B3GALT1: variants seen among roughly 807,000 people sequenced by gnomAD.
B3GALT1 encodes the protein beta-1,3-galactosyltransferase 1.
In B3GALT1, 10 loss-of-function variants were observed where a neutral mutation model predicts 23.2. The ratio of observed to expected loss-of-function variants is 0.43; its 90% CI spans 0.27 to 0.73. B3GALT1 has a LOEUF of 0.73. B3GALT1 is among the 30% of genes least tolerant of loss of function. The probability of loss-of-function intolerance (pLI) is 0.21; values close to 1 mark genes in which losing one functional copy is unlikely to be tolerated. For synonymous variants in B3GALT1, 156 were observed against 141.5 expected (o/e 1.10, Z -0.73); for missense variants, 299 against 405.4 (o/e 0.74, Z 2.25).
At chr2:167,437,436 C>A (rs563188267) in intron 1 of B3GALT1, among the ~76,000 whole-genome samples, 1 of 152,304 alleles carries the variant, frequency 6.6e-6, no homozygotes, top group Admixed American at 6.5e-5. Context: ...CCATTTGGAT[C>A]TGATAACTTC....
intron 2 of B3GALT1, among the ~76,000 whole-genome samples, chr2:167,502,694 C>A (rs1559115609): frequency 6.6e-6 from 1 of 152,116 alleles, no homozygotes; most frequent in Non-Finnish European, 1.5e-5. Flanking sequence ...GGGATCCACC[C>A]CCATGATCCA....
At chr2:167,588,534 C>G (rs1684617544) in intron 2 of B3GALT1, among the ~76,000 whole-genome samples, 4 of 152,090 alleles carry the variant, frequency 2.6e-5, no homozygotes, top group Admixed American at 2.6e-4. Context: ...TTTCCACACT[C>G]ATACGAACAA....
chr2:167,713,930 G>T lies in B3GALT1; in HGVS notation c.-352+66964G>T, dbSNP rs62194985. 12 of 1,572,216 alleles carry T rather than the reference G, an allele frequency of 7.6e-6. No individual in the cohort carries two copies. In the South Asian group the frequency reaches 1.1e-4, roughly 15 times the overall value. The stretch of plus-strand genomic sequence containing the variant: ...TTGGGGGAAAGGAGGTCCTCTTCTC[G>T]TGAACAGGCCCCTTGTATCCACTGG... On this transcript the variant is annotated intron_variant, in intron 3 of 4. Transcript: ENST00000392690.
intron 1 of B3GALT1, among the ~76,000 whole-genome samples, chr2:167,294,221 G>T (rs1696310650): frequency 6.6e-6 from 1 of 152,162 alleles, no homozygotes. Flanking sequence ...GTTGAGACCC[G>T]GCCTGGTGCG....
intron 2 of B3GALT1, among the ~76,000 whole-genome samples, chr2:167,573,087 A>C (rs901405599): frequency 6.6e-6 from 1 of 151,730 alleles, no homozygotes; most frequent in Non-Finnish European, 1.5e-5. Flanking sequence ...TGCTGTGTGC[A>C]AAGGTGATCT....
intron 4 of B3GALT1, among the ~76,000 whole-genome samples, chr2:167,835,747 C>A (rs1689451139): frequency 6.6e-6 from 1 of 151,670 alleles, no homozygotes; most frequent in East Asian, 1.9e-4. Flanking sequence ...GGGTCCCTGA[C>A]CCCTGAGCAG....
At chr2:167,414,701 T>C (rs1346745011) in intron 1 of B3GALT1, among the ~76,000 whole-genome samples, 1 of 152,206 alleles carries the variant, frequency 6.6e-6, no homozygotes, top group Non-Finnish European at 1.5e-5. Context: ...CCTAGGGTAA[T>C]GCCCACTGTA....
chr2:167,759,834 C>A (rs2105296697), intron 3 of B3GALT1, among the ~76,000 whole-genome samples: 1 of 152,174 alleles, frequency 6.6e-6, no homozygotes, highest in African/African-American at 2.4e-5. Flanking sequence ...AAGTGTGTAT[C>A]TTGTTATAAT....
At chr2:167,693,588 A>G (rs1686747909) in intron 3 of B3GALT1, among the ~76,000 whole-genome samples, 1 of 152,112 alleles carries the variant, frequency 6.6e-6, no homozygotes, top group Admixed American at 6.6e-5. Flanking sequence ...ATAAATAGGA[A>G]AAAAGAAAGA....
intron 3 of B3GALT1, among the ~76,000 whole-genome samples, chr2:167,672,456 C>T (rs1686348834): frequency 6.6e-6 from 1 of 152,140 alleles, no homozygotes; most frequent in African/African-American, 2.4e-5. Context: ...CATCTTCATT[C>T]CTTCTTCTAC....
chr2:167,678,677 C>T (rs1195403442), intron 3 of B3GALT1, among the ~76,000 whole-genome samples: 1 of 152,176 alleles, frequency 6.6e-6, no homozygotes, highest in Admixed American at 6.5e-5. Flanking sequence ...TTTCCATTTT[C>T]CAGTTTTCCT....
intron 2 of B3GALT1, among the ~76,000 whole-genome samples, chr2:167,521,298 T>C (rs1700184010): frequency 6.6e-6 from 1 of 152,136 alleles, no homozygotes; most frequent in Non-Finnish European, 1.5e-5. Context: ...AACAAGTGAG[T>C]GAAAGTTTTT....
intron 3 of B3GALT1, among the ~76,000 whole-genome samples, chr2:167,801,161 G>A (rs1222061439): frequency 2.0e-5 from 3 of 152,176 alleles, no homozygotes; most frequent in Non-Finnish European, 4.4e-5. Flanking sequence ...GCAAACATCC[G>A]GGCCTGAGGC....
At chr2:167,802,332 TGA>T (rs1558983732) in intron 3 of B3GALT1, among the ~76,000 whole-genome samples, 2 of 152,198 alleles carry the variant, frequency 1.3e-5, no homozygotes, top group Non-Finnish European at 2.9e-5. Flanking sequence ...GAAAACAGAC[TGA>T]GAGAGGGGCC....
At chr2:167,562,998 G>T (rs893136795) in intron 2 of B3GALT1, among the ~76,000 whole-genome samples, 1 of 152,148 alleles carries the variant, frequency 6.6e-6, no homozygotes, top group Non-Finnish European at 1.5e-5. Context: ...TCCCAAGGCA[G>T]AAGAACCTCT....
intron 1 of B3GALT1, among the ~76,000 whole-genome samples, chr2:167,304,056 A>G (rs1574024970): frequency 6.6e-6 from 1 of 152,104 alleles, no homozygotes; most frequent in Non-Finnish European, 1.5e-5. Context: ...ACAGTATTCC[A>G]TTCTTCCCCA....
chr2:167,330,111 T>TTTTTTTTTTTTTTTTTTTTTTG, intron 1 of B3GALT1, among the ~76,000 whole-genome samples: 1 of 151,748 alleles, frequency 6.6e-6, no homozygotes, highest in African/African-American at 2.4e-5. Flanking sequence ...ATAGGTTTTC[T>TTTTTTTTTTTTTTTTTTTTTTG]AACCCTTTCA....
intron 1 of B3GALT1, among the ~76,000 whole-genome samples, chr2:167,449,479 T>G (rs1699054335): frequency 6.6e-6 from 1 of 152,250 alleles, no homozygotes. Flanking sequence ...ATTTACCAGT[T>G]CTAGGAACTT....
chr2:167,599,254 A>G (rs1210892554), intron 2 of B3GALT1, among the ~76,000 whole-genome samples: 3 of 152,214 alleles, frequency 2.0e-5, no homozygotes, highest in Non-Finnish European at 2.9e-5. Context: ...GATGAAAAGG[A>G]TTTCATTCTT....
Sources: allele counts gnomAD v4.1 joint callset (sites outside exome capture counted in the v4.1 genomes callset), GRCh38; gene constraint gnomAD v4.1.1; transcripts MANE v1.5; gene names NCBI Gene and HGNC (gene_info 2026-07-23, HGNC 2026-07-21).